SUZ12: variants seen among roughly 807,000 people sequenced by gnomAD.
SUZ12 encodes SUZ12 polycomb repressive complex 2 subunit, also known as polycomb protein SUZ12.
SUZ12 carries 17 observed loss-of-function variants against 87.3 expected under a neutral mutation model. The observed-to-expected ratio is 0.19, with a 90% CI of 0.13 to 0.29. The LOEUF is 0.29. Ranked by LOEUF, SUZ12 falls within the 10% of genes least tolerant of loss-of-function variation. SUZ12 has a pLI of 1.00. For synonymous variants in SUZ12, 253 were observed against 312.4 expected, an observed-to-expected ratio of 0.81 and a Z score of 2.01; for missense variants, 526 against 912.2, an observed-to-expected ratio of 0.58 and a Z score of 5.45.
At position 31,999,029 on chromosome 17, in the gene SUZ12, A is replaced by T; in HGVS notation, c.*26A>T. The T allele has an allele frequency of 6.8e-7, 1 of 1,480,916 alleles. No homozygotes were observed. The highest frequency in any genetic ancestry group is 9.0e-7 in the Non-Finnish European group (1 of 1,114,450). The allele number at this position is 1,480,916 out of a possible 1,614,324, so 91.7% of individuals were successfully genotyped here. A position where few individuals can be genotyped will look rare whatever the true frequency, so the allele number is the denominator to read the frequency against. Reference sequence around the variant, plus strand: ...AAAGCTCTAACCCCATGTTATGGACAAACACTGAAATTACATTTTAGGGAA... The same window carrying T: ...AAAGCTCTAACCCCATGTTATGGACTAACACTGAAATTACATTTTAGGGAA... On this transcript the variant is annotated 3_prime_UTR_variant, in exon 16 of 16. Transcript: ENST00000322652.
intron 5 of SUZ12, among the ~76,000 whole-genome samples, chr17:31,972,404 T>G (rs1179665493): frequency 4.7e-5 from 7 of 147,816 alleles, no homozygotes; most frequent in Non-Finnish European, 8.9e-5. Context: ...TATATATATA[T>G]AAATAGAAAT....
At chr17:31,941,117 G>GT (rs994974978) in intron 3 of SUZ12, among the ~76,000 whole-genome samples, 61 of 149,674 alleles carry the variant, frequency 4.1e-4, no homozygotes, top group Middle Eastern at 3.5e-3. Context: ...TTGTTTGTTT[G>GT]TTTTTTTTTG....
intron 10 of SUZ12, among the ~76,000 whole-genome samples, chr17:31,989,674 C>T (rs189596270): frequency 1.3e-5 from 2 of 152,150 alleles, no homozygotes; most frequent in East Asian, 3.9e-4. Context: ...TCTCGGCTCA[C>T]TGCACGCTCT....
intron 6 of SUZ12, among the ~76,000 whole-genome samples, chr17:31,974,703 T>A (rs1908639075): frequency 6.6e-6 from 1 of 152,002 alleles, no homozygotes; most frequent in South Asian, 2.1e-4. Context: ...GCGTAAGACC[T>A]GGGGGGGTGG....
chr17:32,000,925 G>C lies in SUZ12; in HGVS notation c.*1922G>C, dbSNP rs1289632461. On this transcript the variant is annotated 3_prime_UTR_variant, in exon 16 of 16. Coordinates refer to ENST00000322652, the MANE Select transcript of SUZ12 (RefSeq NM_015355.4). ...AATCCTGTAAGATGATAAAGCATTT[G>C]AATGGTACAGTAGATGTAAAAAAAA... is the stretch of plus-strand genomic sequence containing the variant. 1 of 221,988 alleles carries C rather than the reference G, an allele frequency of 4.5e-6. No homozygotes were observed. The highest frequency in any genetic ancestry group is 6.8e-5 in the East Asian group (1 of 14,776). 13.8% of individuals were successfully genotyped at this position (221,988 alleles called of 1,614,324 possible).
intron 9 of SUZ12, among the ~76,000 whole-genome samples, chr17:31,986,610 G>T (rs1909434331): frequency 2.0e-5 from 3 of 152,080 alleles, no homozygotes; most frequent in Non-Finnish European, 4.4e-5. Context: ...GGAGTGCAAT[G>T]GTGCAATTTC....
chr17:31,968,664 T>G (rs1471223100), intron 5 of SUZ12, among the ~76,000 whole-genome samples: 3 of 152,186 alleles, frequency 2.0e-5, no homozygotes. Context: ...CGGTTTTTGT[T>G]TTCCTTAAAT....
intron 3 of SUZ12, among the ~76,000 whole-genome samples, chr17:31,941,359 C>T (rs1009910601): frequency 3.1e-4 from 46 of 150,452 alleles, no homozygotes; most frequent in African/African-American, 1.1e-3. Context: ...TGGGTTTAAA[C>T]GATTCTCCTG....
In SUZ12 at chr17:31,937,123, C is replaced by T; in HGVS notation, c.-124C>T. ...TCCTCCCTTCCCTTCCCCTCTCCTC[C>T]CCTCTCTCCTCCTTCCCCCCTCGGT... On this transcript the variant is annotated 5_prime_UTR_variant, in exon 1 of 16. Transcript: ENST00000322652. 10 of 811,448 alleles carry T rather than the reference C, an allele frequency of 1.2e-5. No homozygotes were observed. The highest frequency in any genetic ancestry group is 1.7e-5 in the Non-Finnish European group (10 of 576,402). The allele number at this position is 811,448 out of a possible 1,614,324, so 50.3% of individuals were successfully genotyped here.
At chr17:31,940,708 T>A (rs1178827968) in intron 3 of SUZ12, among the ~76,000 whole-genome samples, 1 of 152,016 alleles carries the variant, frequency 6.6e-6, no homozygotes, top group East Asian at 1.9e-4. Context: ...TAGCTTTTTT[T>A]TTTTATCCTC....
chr17:31,942,586 C>T (rs773225845), intron 3 of SUZ12, among the ~76,000 whole-genome samples: 5 of 152,064 alleles, frequency 3.3e-5, no homozygotes, highest in African/African-American at 7.2e-5. Flanking sequence ...ATCCACTCAC[C>T]GTGGCCTCCT....
chr17:31,944,828 AT>A (rs1906522607), intron 3 of SUZ12, among the ~76,000 whole-genome samples: 1 of 152,168 alleles, frequency 6.6e-6, no homozygotes, highest in African/African-American at 2.4e-5. Context: ...ATTTGAGCGT[AT>A]CAAGTGAACA....
At chr17:31,939,110 C>T (rs1906117219) in intron 1 of SUZ12, among the ~76,000 whole-genome samples, 2 of 152,140 alleles carry the variant, frequency 1.3e-5, no homozygotes, top group Admixed American at 6.5e-5. Flanking sequence ...TTTAATTCAA[C>T]TCATTTTAAG....
intron 4 of SUZ12, among the ~76,000 whole-genome samples, chr17:31,949,665 C>T (rs1236841185): frequency 2.1e-5 from 1 of 47,624 alleles, no homozygotes. Flanking sequence ...ACCCAGCCCC[C>T]CCCCCCCCCC....
Position 31,999,084 on chromosome 17 carries a change from T to C in SUZ12, c.*81T>C. On this transcript the variant is annotated 3_prime_UTR_variant, in exon 16 of 16. Coordinates refer to ENST00000322652, the MANE Select transcript of SUZ12 (RefSeq NM_015355.4). ...TCCTCTAAGAATTATGTTTTTGTTT[T>C]TAATCATATGTTCCAAACAGGCACT... 1 of 1,247,120 alleles carries C rather than the reference T, an allele frequency of 8.0e-7. No homozygotes were observed. 77.3% of individuals were successfully genotyped at this position (1,247,120 alleles called of 1,614,324 possible).
At chr17:31,951,623 C>T (rs1033642789) in intron 4 of SUZ12, among the ~76,000 whole-genome samples, 6 of 151,732 alleles carry the variant, frequency 4.0e-5, no homozygotes, top group African/African-American at 1.5e-4. Context: ...GGGTCAGGTG[C>T]GTGCCACCAC....
rs1421716335 is a variant in SUZ12 at position 31,982,936 on chromosome 17, T to C, written c.918-63T>C. 3.5e-6 allele frequency: 5 copies of C among 1,412,754 alleles called. No homozygotes were observed. In the South Asian group the frequency reaches 4.1e-5, roughly 12 times the overall value. The allele number at this position is 1,412,754 out of a possible 1,614,324, so 87.5% of individuals were successfully genotyped here. On this transcript the variant is annotated intron_variant, in intron 8 of 15. Transcript: ENST00000322652. Reference sequence around the variant, plus strand: ...TGGTTTTAGTATAAATCTAAAGATGTAGAATTTGTGTACTTATAGTAATAA... The same window carrying C: ...TGGTTTTAGTATAAATCTAAAGATGCAGAATTTGTGTACTTATAGTAATAA...
intron 8 of SUZ12, among the ~76,000 whole-genome samples, chr17:31,977,420 C>T (rs1908824126): frequency 6.6e-6 from 1 of 152,036 alleles, no homozygotes. Flanking sequence ...GCTGGGACTA[C>T]AGGTGCGTGC....
At chr17:31,987,064 TG>T (rs141781246) in intron 9 of SUZ12, among the ~76,000 whole-genome samples, 6,398 of 122,828 alleles carry the variant, frequency 0.052, 424 homozygotes, top group African/African-American at 0.16. Flanking sequence ...TTTGTTTTTT[TG>T]TTTTTTTGTG....
Sources: allele counts gnomAD v4.1 joint callset (sites outside exome capture counted in the v4.1 genomes callset), GRCh38; gene constraint gnomAD v4.1.1; transcripts MANE v1.5; gene names NCBI Gene and HGNC (gene_info 2026-07-23, HGNC 2026-07-21).